Variants in DHRS9 observed in about 807,000 individuals in gnomAD.
The protein encoded by DHRS9 is dehydrogenase/reductase 9, also known as dehydrogenase/reductase SDR family member 9.
A neutral mutation model predicts 26.6 loss-of-function variants in DHRS9; 18 were observed. The ratio of observed to expected loss-of-function variants is 0.68; its 90% CI spans 0.47 to 1.00. The LOEUF (loss-of-function observed/expected upper bound fraction) is 1.00. DHRS9 is among the 50% of genes least tolerant of loss of function. DHRS9 has a pLI of 0.00. For missense variants in DHRS9, 425 were observed against 378.7 expected, an observed-to-expected ratio of 1.12 and a Z score of -1.01; for synonymous variants, 134 against 141.1, an observed-to-expected ratio of 0.95 and a Z score of 0.36.
intron 3 of DHRS9, among the ~76,000 whole-genome samples, chr2:169,086,326 G>A (rs569378144): frequency 2.6e-5 from 4 of 152,140 alleles, no homozygotes; most frequent in African/African-American, 9.6e-5. Context: ...ATTCCTGCTT[G>A]ATTCTTTTTA....
Position 169,096,093 on chromosome 2 carries a change from T to G in DHRS9, c.*326T>G. The G allele has an allele frequency of 9.3e-6, 3 of 323,210 alleles. No homozygotes were observed. The highest frequency in any genetic ancestry group is 1.7e-5 in the Non-Finnish European group (3 of 172,440). The allele number at this position is 323,210 out of a possible 1,614,324, so 20.0% of individuals were successfully genotyped here. On this transcript the variant is annotated 3_prime_UTR_variant, in exon 5 of 5. Coordinates refer to ENST00000674881, the MANE Select transcript of DHRS9 (RefSeq NM_001376924.1). ...ACCGTGGCCTGCCCCATGCTTATGG[T>G]CCCCAGCATTTACAGTAACTTGTGA...
At chr2:169,070,791 G>A (rs1683777340) in intron 1 of DHRS9, 20 of 984,280 alleles carry the variant, frequency 2.0e-5, no homozygotes, top group Admixed American at 6.1e-5. Flanking sequence ...CTGGCCGGGC[G>A]CGGTGGCTCA....
At chr2:169,067,234 C>T (rs1440125953), upstream of DHRS9, 2 of 1,535,392 alleles carry the variant, frequency 1.3e-6, no homozygotes, top group African/African-American at 2.7e-5. Context: ...GGATATACTC[C>T]AGAAGTTGGA....
intron 3 of DHRS9, among the ~76,000 whole-genome samples, chr2:169,091,316 A>C (rs1684518393): frequency 6.6e-6 from 1 of 152,110 alleles, no homozygotes; most frequent in Admixed American, 6.6e-5. Context: ...TCAACAGCAT[A>C]GGGAGCAGGT....
chr2:169,077,046 A>C (rs147185982), intron 1 of DHRS9, among the ~76,000 whole-genome samples: 1 of 152,338 alleles, frequency 6.6e-6, no homozygotes, highest in East Asian at 1.9e-4. Context: ...AGGCTGAAGA[A>C]AATAAGACAT....
At chr2:169,067,178 C>G, upstream of DHRS9, 1 of 1,535,620 alleles carries the variant, frequency 6.5e-7, no homozygotes, top group Non-Finnish European at 8.7e-7. Flanking sequence ...TGTGCATGCT[C>G]TATCACCAGC....
chr2:169,088,664 G>A (rs891455973), intron 3 of DHRS9, among the ~76,000 whole-genome samples: 31 of 152,134 alleles, frequency 2.0e-4, no homozygotes, highest in African/African-American at 4.8e-5. Context: ...TAATTAATTT[G>A]CGCAAGGTCA....
At chr2:169,091,168 G>A (rs1684509467) in intron 3 of DHRS9, among the ~76,000 whole-genome samples, 1 of 151,836 alleles carries the variant, frequency 6.6e-6, no homozygotes, top group Middle Eastern at 3.4e-3. Flanking sequence ...CATGATTCCT[G>A]TAAAACCTTG....
chr2:169,079,987 A>C (rs35870797), intron 1 of DHRS9, among the ~76,000 whole-genome samples: 1 of 39,114 alleles, frequency 2.6e-5, no homozygotes, highest in Non-Finnish European at 5.1e-5. Context: ...GAGAGAGAGA[A>C]AGAAAGAAAG....
At chr2:169,067,620 T>A (rs1163969526), upstream of DHRS9, among the ~76,000 whole-genome samples, 1 of 152,156 alleles carries the variant, frequency 6.6e-6, no homozygotes, top group Non-Finnish European at 1.5e-5. Context: ...AAATGGCAAT[T>A]TGGTTCCAGA....
At position 169,091,888 on chromosome 2, in the gene DHRS9, T is replaced by A. The variant is rs1373035714; in HGVS notation, c.671T>A (p.Leu224His). ...ADPVKVIEKKLAIWEQLSPDI... is the reference protein window; with the variant it reads ...ADPVKVIEKKHAIWEQLSPDI... ...CCAGTAAAGGTAATTGAAAAAAAAC[T>A]CGCCATTTGGGAGCAGCTGTCTCCA... is the stretch of plus-strand genomic sequence containing the variant. The change falls in exon 4 of 5, where the codon CTC (leucine) becomes CAC (histidine). Residue 224 changes from leucine to histidine, a missense_variant. By Grantham distance (99) the Leu-to-His change is moderately conservative (BLOSUM62 -3). Coordinates refer to ENST00000674881, the MANE Select transcript of DHRS9 (RefSeq NM_001376924.1). 2 of 1,613,986 alleles carry A rather than the reference T, an allele frequency of 1.2e-6. No homozygotes were observed. The highest frequency in any genetic ancestry group is 2.7e-5 in the African/African-American group (2 of 75,000).
chr2:169,084,301 G>A (rs1438619100), intron 3 of DHRS9, among the ~76,000 whole-genome samples: 1 of 152,132 alleles, frequency 6.6e-6, no homozygotes, highest in Admixed American at 6.5e-5. Flanking sequence ...CAACGAACAT[G>A]ATAGTGTAGA....
At position 169,081,492 on chromosome 2, in the gene DHRS9, T is replaced by C. The variant is rs541496413; in HGVS notation, c.-59-31T>C. Reference sequence around the variant, plus strand: ...GTTATAATGCCTTGGTAGTTCTAATTTGAATTTTCTTTTTCACTTTGAACA... The same window carrying C: ...GTTATAATGCCTTGGTAGTTCTAATCTGAATTTTCTTTTTCACTTTGAACA... On this transcript the variant is annotated intron_variant, in intron 1 of 4. Coordinates refer to ENST00000674881, the MANE Select transcript of DHRS9 (RefSeq NM_001376924.1). 3.1e-5 allele frequency: 47 copies of C among 1,522,692 alleles called. No homozygotes were observed. In the South Asian group the frequency reaches 5.8e-4, roughly 19 times the overall value. The allele number at this position is 1,522,692 out of a possible 1,614,324, so 94.3% of individuals were successfully genotyped here.
Position 169,071,194 on chromosome 2 carries a change from C to T in DHRS9, c.-60+1477C>T, listed in dbSNP as rs140548789. On this transcript the variant is annotated intron_variant, in intron 1 of 4. Transcript: ENST00000674881. ...CATATGTTCTATGTTCTAAGCTTTC[C>T]TTAAAGCCTTGTGACTACAAATGAT... Among the ~76,000 whole-genome samples, 8 of 152,312 alleles carry T rather than the reference C, an allele frequency of 5.3e-5. No homozygotes were observed. In the East Asian group the frequency reaches 1.5e-3, roughly 29 times the overall value.
upstream of DHRS9, among the ~76,000 whole-genome samples, chr2:169,067,879 A>T (rs1434814516): frequency 6.6e-6 from 1 of 152,176 alleles, no homozygotes; most frequent in Non-Finnish European, 1.5e-5. Flanking sequence ...ATATACTGAA[A>T]CTGAACCCAT....
chr2:169,068,549 C>G (rs1683711823), upstream of DHRS9, among the ~76,000 whole-genome samples: 1 of 152,134 alleles, frequency 6.6e-6, no homozygotes, highest in Non-Finnish European at 1.5e-5. Context: ...TAGTCTCAAA[C>G]TTCTGACCTC....
chr2:169,091,281 T>C (rs1211637533), intron 3 of DHRS9, among the ~76,000 whole-genome samples: 1 of 129,624 alleles, frequency 7.7e-6, no homozygotes, highest in Non-Finnish European at 1.6e-5. Context: ...TAAAATAAAA[T>C]AAAATAAAAT....
upstream of DHRS9, among the ~76,000 whole-genome samples, chr2:169,069,052 T>G (rs950587242): frequency 2.0e-5 from 3 of 152,142 alleles, no homozygotes; most frequent in African/African-American, 7.2e-5. Context: ...TGTCATACCT[T>G]AAAACATAAA....
At chr2:169,084,755 CA>C (rs1684299075) in intron 3 of DHRS9, among the ~76,000 whole-genome samples, 1 of 152,088 alleles carries the variant, frequency 6.6e-6, no homozygotes, top group Admixed American at 6.5e-5. Context: ...GGGTAGCTTT[CA>C]AATATTTTCT....
Sources: gnomAD v4.1 joint callset for allele counts (sites outside exome capture counted in the v4.1 genomes callset) on GRCh38, gnomAD v4.1.1 for gene constraint, MANE v1.5 for transcripts, NCBI Gene and HGNC (gene_info 2026-07-23, HGNC 2026-07-21) for gene names.